COL18A1: variants seen among roughly 807,000 people sequenced by gnomAD.
COL18A1 encodes the protein collagen type XVIII alpha 1 chain.
COL18A1 carries 133 observed loss-of-function variants against 168.0 expected under a neutral mutation model. The observed-to-expected ratio is 0.79, with a 90% CI of 0.69 to 0.91. The LOEUF (loss-of-function observed/expected upper bound fraction) is 0.91. Ranked by LOEUF, COL18A1 falls within the 40% of genes least tolerant of loss-of-function variation. The probability of loss-of-function intolerance (pLI) is 0.00; values close to 1 mark genes in which losing one functional copy is unlikely to be tolerated. For missense variants in COL18A1, 2,126 were observed against 1,925.4 expected (o/e 1.10, Z -1.95); for synonymous variants, 949 against 809.0 (o/e 1.17, Z -2.94).
intron 2 of COL18A1, among the ~76,000 whole-genome samples, chr21:45,441,756 C>G (rs1256335282): frequency 6.6e-6 from 1 of 152,274 alleles, no homozygotes; most frequent in Admixed American, 6.5e-5. Context: ...CTCACCTGTC[C>G]CCCTCAGACG....
At chr21:45,438,980 G>A (rs1289235288) in intron 2 of COL18A1, among the ~76,000 whole-genome samples, 1 of 152,178 alleles carries the variant, frequency 6.6e-6, no homozygotes, top group Non-Finnish European at 1.5e-5. Context: ...GCCACAGGAC[G>A]TGCTTAGGGA....
Position 45,509,355 on chromosome 21 carries a change from G to C in COL18A1, c.3250-1G>C. On this transcript the variant is annotated splice_acceptor_variant, in intron 38 of 41. Coordinates refer to ENST00000651438, the MANE Select transcript of COL18A1 (RefSeq NM_001379500.1). LOFTEE classifies it high-confidence loss of function. ...ACAGGCCCCACGTCTCCCACCTGCA[G>C]GACAATGAAGTGGCCGCCTTGCAGC... 1 of 1,546,180 alleles carries C rather than the reference G, an allele frequency of 6.5e-7. No individual in the cohort carries two copies. The highest frequency in any genetic ancestry group is 8.7e-7 in the Non-Finnish European group (1 of 1,147,392).
chr21:45,406,103 C>A (rs901632852), intron 2 of COL18A1, among the ~76,000 whole-genome samples: 18 of 152,322 alleles, frequency 1.2e-4, no homozygotes, highest in South Asian at 6.2e-4. Flanking sequence ...GCAAACGGTG[C>A]GCGGGGCCCG....
intron 2 of COL18A1, among the ~76,000 whole-genome samples, chr21:45,452,988 G>A (rs956665720): frequency 2.6e-5 from 4 of 151,828 alleles, no homozygotes; most frequent in Admixed American, 1.3e-4. Flanking sequence ...GTATTCACAT[G>A]TGACATGTGA....
intron 3 of COL18A1, among the ~76,000 whole-genome samples, chr21:45,472,988 C>T (rs2035501023): frequency 6.6e-6 from 1 of 152,252 alleles, no homozygotes; most frequent in Non-Finnish European, 1.5e-5. Context: ...CATGGGGAGC[C>T]CCAGGCTCCA....
intron 16 of COL18A1, 105 bp downstream of exon 16, chr21:45,487,097 G>A (rs2145965519): frequency 8.7e-7 from 1 of 1,143,694 alleles, no homozygotes; most frequent in East Asian, 2.6e-5. Flanking sequence ...CCTGGGCGGT[G>A]GCCTTGCTGG....
At chr21:45,409,182 T>C (rs1296298325) in intron 2 of COL18A1, among the ~76,000 whole-genome samples, 2 of 152,074 alleles carry the variant, frequency 1.3e-5, no homozygotes, top group African/African-American at 2.4e-5. Flanking sequence ...AGCGGGTGCC[T>C]GTCAGAGAAC....
In COL18A1 at chr21:45,479,954, A is replaced by C; in HGVS notation, c.1301A>C (p.Lys434Thr). The part of the protein sequence containing the change: ...FPGTPGDVGP[K>T]GDKGDPGVGE... ...GGGACTCCAGGGGACGTAGGTCCCA[A>C]GGGCGACAAGGTGAGTCTCCGTGGC... The change falls in exon 10 of 42, where the codon AAG becomes ACG. Residue 434 changes from lysine to threonine, a missense_variant. Coordinates refer to ENST00000651438, the MANE Select transcript of COL18A1 (RefSeq NM_001379500.1). 6.2e-7 allele frequency: 1 copy of C among 1,613,766 alleles called. No homozygotes were observed. The highest frequency in any genetic ancestry group is 8.5e-7 in the Non-Finnish European group (1 of 1,179,910).
rs201095161 is a variant in COL18A1 at position 45,473,920 on chromosome 21, G to A, written c.677G>A (p.Arg226His). The A allele has an allele frequency of 3.4e-5, 54 of 1,604,972 alleles. No individual in the cohort carries two copies. In the East Asian group the frequency reaches 3.8e-4, roughly 11 times the overall value. ...GGGGTGATCGCTGAGCTGAAGGTGC[G>A]CAGGGACCCCCAGGTGAGCCCCATG... ...FQGVIAELKV[R>H]RDPQVSPMHC... The change falls in exon 4 of 42, where the codon CGC becomes CAC. Residue 226 changes from arginine to histidine, a missense_variant. Coordinates refer to ENST00000651438, the MANE Select transcript of COL18A1 (RefSeq NM_001379500.1). This position sits in a 1 kb window ranked among gnomAD's most constrained non-coding sequence, Gnocchi z 4.0.
At chr21:45,477,297 A>T in intron 6 of COL18A1, 114 bp from the exon 7 acceptor site, 1 of 789,886 alleles carries the variant, frequency 1.3e-6, no homozygotes. Flanking sequence ...GACAGTGTCC[A>T]GCCGGGCTCC....
At chr21:45,489,799 C>T (rs1023304722) in intron 19 of COL18A1, among the ~76,000 whole-genome samples, 1 of 149,910 alleles carries the variant, frequency 6.7e-6, no homozygotes, top group Non-Finnish European at 1.5e-5. Flanking sequence ...CCCCTGCCAC[C>T]GGCCTCCCGC....
chr21:45,435,242 G>A (rs573478292), intron 2 of COL18A1, among the ~76,000 whole-genome samples: 1 of 126,482 alleles, frequency 7.9e-6, no homozygotes, highest in Admixed American at 8.0e-5. Context: ...TGGGGTGGGG[G>A]CGGGAGGAGA....
At chr21:45,458,562 A>G (rs149242070) in intron 2 of COL18A1, among the ~76,000 whole-genome samples, 1,535 of 152,260 alleles carry the variant, frequency 0.01, 10 homozygotes, top group Non-Finnish European at 0.016. Flanking sequence ...CCTTGCAGGC[A>G]ACCCCCCCGG....
chr21:45,477,516 C>T (rs1363119167), intron 7 of COL18A1, 29 bp downstream of exon 7: 4 of 1,576,674 alleles, frequency 2.5e-6, no homozygotes, highest in African/African-American at 2.7e-5. Context: ...GCTCCTGAAC[C>T]ATTCTGAACC....
At position 45,457,003 on chromosome 21, in the gene COL18A1, G is replaced by T. The variant is rs1248327921; in HGVS notation, c.107-11239G>T. On this transcript the variant is annotated intron_variant, in intron 2 of 41. Coordinates refer to ENST00000651438, the MANE Select transcript of COL18A1 (RefSeq NM_001379500.1). This position sits in a 1 kb window ranked among gnomAD's most constrained non-coding sequence, Gnocchi z 4.6. ...ATCGAATCTCTACGTTCAGGGGCCCGTGGCCCTCGGGAGGTGGGAGAGCTG... is the reference window on the plus strand; with the variant it reads ...ATCGAATCTCTACGTTCAGGGGCCCTTGGCCCTCGGGAGGTGGGAGAGCTG... 3.7e-6 allele frequency: 3 copies of T among 821,180 alleles called. No individual in the cohort carries two copies. Among genetic ancestry groups the T allele is most frequent in the Admixed American group, 3.8e-5 (1 of 26,336 alleles). The allele number at this position is 821,180 out of a possible 1,614,324, so 50.9% of individuals were successfully genotyped here.
At chr21:45,503,341 A>T (rs1176063575) in intron 32 of COL18A1, among the ~76,000 whole-genome samples, 1 of 151,824 alleles carries the variant, frequency 6.6e-6, no homozygotes, top group African/African-American at 2.4e-5. Flanking sequence ...GCATTTTTTC[A>T]TGTGTTTTTT....
chr21:45,464,942 A>G (rs879695042), intron 2 of COL18A1, among the ~76,000 whole-genome samples: 2 of 152,116 alleles, frequency 1.3e-5, no homozygotes, highest in East Asian at 1.9e-4. Context: ...TGCCCACCAC[A>G]GTTTGTCCAT....
At chr21:45,510,943 A>ACCCC (rs1421026901) in intron 40 of COL18A1, among the ~76,000 whole-genome samples, 168 bp from the exon 41 acceptor site, 2 of 26,014 alleles carry the variant, frequency 7.7e-5, no homozygotes, top group African/African-American at 3.5e-4. Context: ...AAAAAAACAC[A>ACCCC]CACCCACAAC....
In COL18A1 at chr21:45,476,460, C is replaced by A; in HGVS notation, c.908C>A (p.Thr303Asn). The part of the protein sequence containing the change: ...DSRSEEVEEQ[T>N]TVASLGAQTL... Reference sequence around the variant, plus strand: ...AGAAGTGAAGAAGTCGAGGAGCAGACCACGGTGGCTTCGTTAGGAGGTAAG... The same window carrying A: ...AGAAGTGAAGAAGTCGAGGAGCAGAACACGGTGGCTTCGTTAGGAGGTAAG... The change falls in exon 6 of 42, where the codon ACC becomes AAC. Residue 303 changes from threonine to asparagine, a missense_variant. By Grantham distance (65) the Thr-to-Asn change is moderately conservative. Coordinates refer to ENST00000651438, the MANE Select transcript of COL18A1 (RefSeq NM_001379500.1). 6.2e-7 allele frequency: 1 copy of A among 1,612,404 alleles called. No homozygotes were observed.
Sources: gnomAD v4.1 joint callset for allele counts (sites outside exome capture counted in the v4.1 genomes callset) on GRCh38, gnomAD v4.1.1 for gene constraint, Gnocchi (gnomAD v3.1) non-coding constraint, MANE v1.5 for transcripts, NCBI Gene and HGNC (gene_info 2026-07-23, HGNC 2026-07-21) for gene names.